SNRPN: variants seen among roughly 807,000 people sequenced by gnomAD.
SNRPN encodes small nuclear ribonucleoprotein polypeptide N, also known as small nuclear ribonucleoprotein-associated protein N.
SNRPN carries 7 observed loss-of-function variants against 25.2 expected under a neutral mutation model. The ratio of observed to expected loss-of-function variants is 0.28; its 90% CI spans 0.16 to 0.52. The LOEUF (loss-of-function observed/expected upper bound fraction) is 0.52. Among genes scored for constraint, SNRPN ranks in the 20% least tolerant of loss-of-function variants. The probability of loss-of-function intolerance (pLI) is 0.96; values close to 1 mark genes in which losing one functional copy is unlikely to be tolerated. For missense variants in SNRPN, 196 were observed against 322.5 expected, an observed-to-expected ratio of 0.61 and a Z score of 3.00; for synonymous variants, 124 against 110.6, an observed-to-expected ratio of 1.12 and a Z score of -0.76.
intron 2 of SNRPN, among the ~76,000 whole-genome samples, chr15:24,844,781 C>A (rs528803905): frequency 6.6e-6 from 1 of 152,296 alleles, no homozygotes; most frequent in African/African-American, 2.4e-5. Flanking sequence ...GCCTCAGCTT[C>A]TCAAAGTGCT....
intron 1 of SNRPN, among the ~76,000 whole-genome samples, chr15:24,828,378 C>T (rs1382521192): frequency 3.9e-5 from 6 of 152,004 alleles, no homozygotes; most frequent in Admixed American, 2.0e-4. Flanking sequence ...TACAAGATCA[C>T]GCATGTGCCC....
intron 2 of SNRPN, among the ~76,000 whole-genome samples, chr15:24,906,366 C>A (rs1427096963): frequency 6.6e-6 from 1 of 152,144 alleles, no homozygotes; most frequent in Non-Finnish European, 1.5e-5. Flanking sequence ...CTCCCAAGCT[C>A]AACTGATTCA....
intron 1 of SNRPN, among the ~76,000 whole-genome samples, chr15:24,885,179 A>AT (rs61672141): frequency 0.021 from 3,136 of 152,232 alleles, 118 homozygotes; most frequent in African/African-American, 0.072. Context: ...GGACATCTGG[A>AT]TTTTGTGTTG....
At chr15:24,972,325 A>C (rs996694629) in intron 3 of SNRPN, among the ~76,000 whole-genome samples, 4 of 151,574 alleles carry the variant, frequency 2.6e-5, no homozygotes, top group Non-Finnish European at 5.9e-5. Context: ...AGACTGCTTT[A>C]TAAAGAATCA....
intron 2 of SNRPN, among the ~76,000 whole-genome samples, chr15:24,834,751 C>CTATATATATATATATATATATATGTA (rs2050891101): frequency 1.6e-5 from 1 of 60,956 alleles, no homozygotes; most frequent in African/African-American, 5.9e-5. Context: ...CTCTCTCTCT[C>CTATATATATATATATATATATATGTA]TATATATATA....
intron 2 of SNRPN, among the ~76,000 whole-genome samples, chr15:24,894,605 G>A (rs1314466376): frequency 6.6e-6 from 1 of 152,062 alleles, no homozygotes; most frequent in African/African-American, 2.4e-5. Flanking sequence ...TAACCAATAG[G>A]CACCACAAAA....
intron 3 of SNRPN, among the ~76,000 whole-genome samples, chr15:24,948,900 G>C (rs1665362301): frequency 1.3e-5 from 2 of 149,156 alleles, no homozygotes; most frequent in Admixed American, 1.3e-4. Flanking sequence ...AGAATATTTT[G>C]ATCATCCCAG....
chr15:24,975,239 A>G (rs1017175174), intron 4 of SNRPN, 119 bp from the exon 5 acceptor site: 5 of 740,138 alleles, frequency 6.8e-6, no homozygotes, highest in East Asian at 2.5e-5. Context: ...AAAGGAGAGA[A>G]TATTTGTTTA....
At chr15:24,957,224 A>G (rs1327202230) in intron 1 of SNRPN, among the ~76,000 whole-genome samples, 1 of 152,024 alleles carries the variant, frequency 6.6e-6, no homozygotes, top group African/African-American at 2.4e-5. Context: ...GGGTTGGGGG[A>G]GAGGACATCG....
intron 1 of SNRPN, among the ~76,000 whole-genome samples, chr15:24,828,843 A>T (rs1027688092): frequency 6.6e-6 from 1 of 152,144 alleles, no homozygotes; most frequent in Admixed American, 6.5e-5. Flanking sequence ...AAAATTAAAA[A>T]ATTCTTTCCA....
intron 1 of SNRPN, among the ~76,000 whole-genome samples, chr15:24,884,148 CAA>C (rs61039873): frequency 1.5e-4 from 16 of 104,844 alleles, no homozygotes; most frequent in African/African-American, 2.3e-4. Context: ...CCTGCCTCTA[CAA>C]AAAAAAAAAA....
chr15:24,857,334 C>T (rs956555714), intron 1 of SNRPN, among the ~76,000 whole-genome samples: 20 of 152,088 alleles, frequency 1.3e-4, no homozygotes, highest in Admixed American at 3.3e-4. Context: ...TTGTAATTGT[C>T]GGCATGATGT....
intron 3 of SNRPN, among the ~76,000 whole-genome samples, chr15:24,943,641 G>A (rs1240014854): frequency 6.6e-6 from 1 of 152,014 alleles, no homozygotes; most frequent in Non-Finnish European, 1.5e-5. Context: ...CTCCACTAAT[G>A]CCCAGTAGCA....
Position 24,885,716 on chromosome 15 carries a change from C to CTGTGTGTGTGTGTG in SNRPN, c.-578-776_-578-763dup, listed in dbSNP as rs58691279. 2.1e-3 allele frequency among the ~76,000 whole-genome samples: 303 copies of CTGTGTGTGTGTGTG among 141,724 alleles called. 4 individuals are homozygous for CTGTGTGTGTGTGTG. The highest frequency in any genetic ancestry group is 0.011 in the East Asian group (49 of 4,568). The allele number at this position is 141,724 out of a possible 152,430, so 93.0% of individuals were successfully genotyped here. A position where few individuals can be genotyped will look rare whatever the true frequency, so the allele number is the denominator to read the frequency against. On this transcript the variant is annotated intron_variant, in intron 1 of 11. Coordinates refer to the SNRPN transcript ENST00000400097. ...GGATTTTCCAGGAAGGAATCTGGGG[C>CTGTGTGTGTGTGTG]TGTGTGTGTGTGTGTGTGTGTGTGT...
At chr15:24,839,927 G>C (rs1307293534) in intron 2 of SNRPN, among the ~76,000 whole-genome samples, 1 of 152,210 alleles carries the variant, frequency 6.6e-6, no homozygotes, top group Non-Finnish European at 1.5e-5. Flanking sequence ...TATGGAGCCT[G>C]TCTAATTTTA....
At chr15:24,880,461 A>G (rs1190676466) in intron 1 of SNRPN, among the ~76,000 whole-genome samples, 1 of 152,280 alleles carries the variant, frequency 6.6e-6, no homozygotes, top group South Asian at 2.1e-4. Context: ...AAAAATTAAA[A>G]TTCATCACCA....
chr15:24,950,080 C>T (rs2062146411), upstream of SNRPN, among the ~76,000 whole-genome samples: 1 of 152,090 alleles, frequency 6.6e-6, no homozygotes, highest in East Asian at 1.9e-4. Context: ...CCTTGGCTTC[C>T]AAAAGTGTTG....
chr15:24,917,814 C>T (rs1435234071), intron 2 of SNRPN, among the ~76,000 whole-genome samples: 2 of 152,252 alleles, frequency 1.3e-5, no homozygotes, highest in Non-Finnish European at 2.9e-5. Context: ...TGTTCCTCTA[C>T]AGTCTTAACA....
intron 3 of SNRPN, among the ~76,000 whole-genome samples, chr15:24,946,619 G>A (rs928590021): frequency 6.6e-5 from 10 of 152,056 alleles, no homozygotes; most frequent in Non-Finnish European, 1.2e-4. Flanking sequence ...ACAGGCACGT[G>A]CTACCATGCC....
Sources: gnomAD v4.1 joint callset for allele counts (sites outside exome capture counted in the v4.1 genomes callset) on GRCh38, gnomAD v4.1.1 for gene constraint, MANE v1.5 for transcripts, NCBI Gene and HGNC (gene_info 2026-07-23, HGNC 2026-07-21) for gene names.